The following HEMK2 variants were observed in gnomAD, a reference collection of about 807,000 sequenced individuals.
HEMK2 encodes the protein HemK methyltransferase 2, ETF1 glutamine and histone H4 lysine, also known as methyltransferase HEMK2.
At chr21:28,677,158 G>C in the HEMK2 span, among the ~76,000 whole-genome samples, 3 of 152,196 alleles carry the variant, frequency 2.0e-5, no homozygotes, top group Non-Finnish European at 2.9e-5. Context: ...TCAAAGAAAG[G>C]GGTGACAGAC....
the HEMK2 span, among the ~76,000 whole-genome samples, chr21:28,823,202 T>A: frequency 2.0e-5 from 3 of 152,182 alleles, no homozygotes; most frequent in African/African-American, 7.2e-5. Context: ...GTGGGCCTTG[T>A]TAAACTGCCA....
At chr21:28,633,260 A>G in the HEMK2 span, among the ~76,000 whole-genome samples, 1 of 152,214 alleles carries the variant, frequency 6.6e-6, no homozygotes, top group African/African-American at 2.4e-5. Context: ...TGCCAGCACT[A>G]GTGTGCATAG....
the HEMK2 span, among the ~76,000 whole-genome samples, chr21:28,788,786 A>G: frequency 1.3e-5 from 2 of 151,974 alleles, no homozygotes; most frequent in African/African-American, 4.8e-5. Context: ...ACGTAACCCT[A>G]TTTGGAAATA....
chr21:28,845,688 T>TG, the HEMK2 span, among the ~76,000 whole-genome samples: 1 of 145,970 alleles, frequency 6.9e-6, no homozygotes, highest in Non-Finnish European at 1.5e-5. Flanking sequence ...TAAGTAGAAA[T>TG]TTTTTTCTCA....
At chr21:28,821,197 C>T in the HEMK2 span, among the ~76,000 whole-genome samples, 27,056 of 152,056 alleles carry the variant, frequency 0.18, 3,033 homozygotes, top group East Asian at 0.4. Flanking sequence ...CCGACCCCGG[C>T]CCCCTCCATT....
chr21:28,794,246 G>A, the HEMK2 span, among the ~76,000 whole-genome samples: 1 of 151,942 alleles, frequency 6.6e-6, no homozygotes, highest in Non-Finnish European at 1.5e-5. Flanking sequence ...AATTTTCAAA[G>A]GTATTTTGGA....
the HEMK2 span, among the ~76,000 whole-genome samples, chr21:28,682,429 T>C: frequency 1.3e-5 from 2 of 149,828 alleles, no homozygotes; most frequent in East Asian, 3.9e-4. Context: ...TGTGGAGAAA[T>C]AGGAACACTT....
chr21:28,801,483 T>C, the HEMK2 span, among the ~76,000 whole-genome samples: 1 of 152,094 alleles, frequency 6.6e-6, no homozygotes, highest in South Asian at 2.1e-4. Context: ...ATTCAAAATA[T>C]ATAAATGAAA....
At chr21:28,688,357 A>T in the HEMK2 span, among the ~76,000 whole-genome samples, 1 of 152,218 alleles carries the variant, frequency 6.6e-6, no homozygotes, top group Non-Finnish European at 1.5e-5. Flanking sequence ...GTAATTGAAC[A>T]ATTTATAGGA....
the HEMK2 span, among the ~76,000 whole-genome samples, chr21:28,746,498 G>C: frequency 6.6e-6 from 1 of 152,148 alleles, no homozygotes; most frequent in Non-Finnish European, 1.5e-5. Context: ...GTGCAGGTAG[G>C]GAGATGAGCA....
the HEMK2 span, among the ~76,000 whole-genome samples, chr21:28,866,545 G>C: frequency 6.6e-6 from 1 of 152,040 alleles, no homozygotes; most frequent in Non-Finnish European, 1.5e-5. Flanking sequence ...ACACGAATTA[G>C]CCAGTTGTGA....
At chr21:28,606,501 AAGG>A in the HEMK2 span, among the ~76,000 whole-genome samples, 6 of 152,182 alleles carry the variant, frequency 3.9e-5, no homozygotes, top group African/African-American at 1.4e-4. Context: ...TTGGGGTAAC[AAGG>A]AAGGCAGGAT....
the HEMK2 span, among the ~76,000 whole-genome samples, chr21:28,704,444 C>A: frequency 2.6e-5 from 4 of 151,822 alleles, no homozygotes; most frequent in African/African-American, 9.7e-5. Context: ...ATCTGGGACA[C>A]CATCTGGGTG....
the HEMK2 span, among the ~76,000 whole-genome samples, chr21:28,848,381 G>A: frequency 6.6e-6 from 1 of 151,544 alleles, no homozygotes; most frequent in African/African-American, 2.4e-5. Context: ...AATTTTCTAG[G>A]CATACAATAT....
chr21:28,586,827 G>T, the HEMK2 span, among the ~76,000 whole-genome samples: 2 of 152,044 alleles, frequency 1.3e-5, no homozygotes, highest in Admixed American at 6.6e-5. Flanking sequence ...CTCACAGGGG[G>T]GTAATGAATG....
At chr21:28,868,798 T>C in the HEMK2 span, among the ~76,000 whole-genome samples, 1 of 152,244 alleles carries the variant, frequency 6.6e-6, no homozygotes. Context: ...ATTTTCCTGC[T>C]TTGGGGGACT....
chr21:28,706,511 G>T, the HEMK2 span, among the ~76,000 whole-genome samples: 1 of 152,094 alleles, frequency 6.6e-6, no homozygotes, highest in Non-Finnish European at 1.5e-5. Flanking sequence ...CAGAAAAAAT[G>T]AGCTAGTTTC....
chr21:28,650,273 T>C, the HEMK2 span, among the ~76,000 whole-genome samples: 7 of 152,038 alleles, frequency 4.6e-5, no homozygotes, highest in Admixed American at 4.6e-4. Flanking sequence ...CAGGTGCCTG[T>C]AATAGCAGCT....
the HEMK2 span, among the ~76,000 whole-genome samples, chr21:28,771,591 T>C: frequency 6.8e-6 from 1 of 146,768 alleles, no homozygotes; most frequent in Non-Finnish European, 1.5e-5. Context: ...CTCTAGGGGT[T>C]TGGTTTAGTT....
Sources: gnomAD v4.1 joint callset for allele counts (sites outside exome capture counted in the v4.1 genomes callset) on GRCh38, gnomAD v4.1.1 for gene constraint, MANE v1.5 for transcripts, NCBI Gene and HGNC (gene_info 2026-07-23, HGNC 2026-07-21) for gene names.